DYM: variants seen among roughly 807,000 people sequenced by gnomAD.
The protein encoded by DYM is dyggve-Melchior-Clausen syndrome protein.
A neutral mutation model predicts 93.1 loss-of-function variants in DYM; 78 were observed. The observed-to-expected ratio is 0.84, with a 90% CI of 0.70 to 1.01. The LOEUF is 1.01. Among genes scored for constraint, DYM ranks in the 50% least tolerant of loss-of-function variants. DYM has a pLI of 0.00. For synonymous variants in DYM, 321 were observed against 319.7 expected, an observed-to-expected ratio of 1.00 and a Z score of -0.04; for missense variants, 789 against 845.0, an observed-to-expected ratio of 0.93 and a Z score of 0.82.
chr18:49,279,150 G>C (rs971802378), intron 10 of DYM, among the ~76,000 whole-genome samples: 1 of 152,152 alleles, frequency 6.6e-6, no homozygotes, highest in Non-Finnish European at 1.5e-5. Flanking sequence ...ACTATAAGAA[G>C]TTATACCAGA....
At chr18:49,140,024 C>T (rs1486628165) in intron 15 of DYM, among the ~76,000 whole-genome samples, 1 of 152,098 alleles carries the variant, frequency 6.6e-6, no homozygotes, top group Non-Finnish European at 1.5e-5. Flanking sequence ...TACTTACGCC[C>T]ACAGGCTTTT....
intron 1 of DYM, chr18:49,447,454 C>T (rs952028377): frequency 6.6e-6 from 1 of 152,202 alleles, no homozygotes; most frequent in African/African-American, 2.4e-5. Context: ...CAGCTTTGTC[C>T]GGGATACCAA....
chr18:49,079,238 C>A (rs2077571296), intron 17 of DYM, among the ~76,000 whole-genome samples: 1 of 152,106 alleles, frequency 6.6e-6, no homozygotes, highest in Admixed American at 6.6e-5. Context: ...ATAGTAGTTA[C>A]TTCAAAATCT....
chr18:49,288,903 T>TA (rs1349940925), intron 8 of DYM, among the ~76,000 whole-genome samples: 1 of 152,186 alleles, frequency 6.6e-6, no homozygotes, highest in Non-Finnish European at 1.5e-5. Flanking sequence ...TAATACAGTG[T>TA]AAATAAAACA....
At chr18:49,405,634 T>C (rs1159048120) in intron 2 of DYM, among the ~76,000 whole-genome samples, 1 of 152,220 alleles carries the variant, frequency 6.6e-6, no homozygotes, top group African/African-American at 2.4e-5. Context: ...TACTGTAGCC[T>C]TATAGTATAC....
intron 8 of DYM, among the ~76,000 whole-genome samples, chr18:49,298,568 C>T (rs570642579): frequency 8.4e-5 from 11 of 130,198 alleles, no homozygotes; most frequent in South Asian, 2.5e-4. Context: ...GTGACAAGAG[C>T]GAAACTCCGT....
chr18:49,244,598 T>C (rs1258121639), intron 13 of DYM, among the ~76,000 whole-genome samples: 1 of 152,130 alleles, frequency 6.6e-6, no homozygotes, highest in Non-Finnish European at 1.5e-5. Context: ...CTCTGACATT[T>C]AGTTTCTTCA....
At chr18:49,416,862 T>G (rs148486591) in intron 2 of DYM, among the ~76,000 whole-genome samples, 55 of 152,268 alleles carry the variant, frequency 3.6e-4, no homozygotes, top group African/African-American at 1.3e-3. Flanking sequence ...GTGCCAAAAA[T>G]AGGTAACAGG....
intron 14 of DYM, among the ~76,000 whole-genome samples, chr18:49,181,052 C>G (rs940663050): frequency 3.3e-5 from 5 of 152,126 alleles, no homozygotes; most frequent in Non-Finnish European, 7.4e-5. Flanking sequence ...TAGCCTGAGT[C>G]CAGGCTGCAG....
intron 3 of DYM, among the ~76,000 whole-genome samples, chr18:49,382,414 A>C (rs1377157341): frequency 6.6e-6 from 1 of 152,238 alleles, no homozygotes; most frequent in Non-Finnish European, 1.5e-5. Context: ...ATAAAATTAA[A>C]TACACTCAAT....
intron 13 of DYM, among the ~76,000 whole-genome samples, chr18:49,211,963 A>T (rs2092806594): frequency 6.6e-6 from 1 of 152,236 alleles, no homozygotes; most frequent in Admixed American, 6.5e-5. Flanking sequence ...AATGTGTATC[A>T]CCAGCACTTT....
At chr18:49,263,741 A>G (rs2094526946) in intron 11 of DYM, among the ~76,000 whole-genome samples, 1 of 152,168 alleles carries the variant, frequency 6.6e-6, no homozygotes. Context: ...AAAAGAAAAA[A>G]AAAGTAGTTA....
At chr18:49,333,319 G>C (rs893220257) in intron 7 of DYM, among the ~76,000 whole-genome samples, 4 of 152,222 alleles carry the variant, frequency 2.6e-5, no homozygotes, top group African/African-American at 9.6e-5. Context: ...CAGCGAAGAG[G>C]CTGCTGGAGA....
At chr18:49,419,676 C>T (rs896235322) in intron 2 of DYM, among the ~76,000 whole-genome samples, 1 of 152,112 alleles carries the variant, frequency 6.6e-6, no homozygotes, top group Non-Finnish European at 1.5e-5. Context: ...CAAAACAAGG[C>T]TTTCAGAATT....
intron 3 of DYM, chr18:49,391,370 A>G (rs538937833): frequency 3.8e-6 from 2 of 528,800 alleles, no homozygotes; most frequent in South Asian, 4.1e-5. Context: ...TCTATGGCTT[A>G]GCAGAGTCCA....
intron 8 of DYM, chr18:49,321,506 G>C (rs2062477972): frequency 7.6e-6 from 3 of 394,064 alleles, no homozygotes; most frequent in Non-Finnish European, 1.3e-5. Flanking sequence ...TTTGACATTA[G>C]ATTATTTCCA....
Position 49,199,349 on chromosome 18 carries a change from C to G in DYM, c.1625+10202G>C, listed in dbSNP as rs1435441697. ...ATATGTAACAAACCTGCACGTTGTG[C>G]CCATGTACCCTAAAACTTAAAGTAT... On this transcript the variant is annotated intron_variant, in intron 14 of 17. Transcript: ENST00000675505. Among the ~76,000 whole-genome samples, 4 of 152,204 alleles carry G rather than the reference C, an allele frequency of 2.6e-5. No individual in the cohort carries two copies. The East Asian group carries it at 5.8e-4, about 22-fold the overall frequency.
At chr18:49,323,095 GAA>G (rs1347521615) in intron 8 of DYM, among the ~76,000 whole-genome samples, 5 of 152,258 alleles carry the variant, frequency 3.3e-5, no homozygotes, top group Middle Eastern at 3.4e-3. Context: ...CTCAAAATTA[GAA>G]AAGAGAATAA....
At position 49,246,735 on chromosome 18, in the gene DYM, G is replaced by A. The variant is rs1028339405; in HGVS notation, c.1460+10275C>T. ...GGTGGAGTTAATGACACTGACATCT[G>A]AGTTGGAGGTTCATTATGACACATG... On this transcript the variant is annotated intron_variant, in intron 13 of 17. Coordinates refer to ENST00000675505, the MANE Select transcript of DYM (RefSeq NM_001353214.3). Among the ~76,000 whole-genome samples, 3 of 152,328 alleles carry A rather than the reference G, an allele frequency of 2.0e-5. No homozygotes were observed. The East Asian group carries it at 5.8e-4, about 29-fold the overall frequency.
Sources: gnomAD v4.1 joint callset for allele counts (sites outside exome capture counted in the v4.1 genomes callset) on GRCh38, gnomAD v4.1.1 for gene constraint, MANE v1.5 for transcripts, NCBI Gene and HGNC (gene_info 2026-07-23, HGNC 2026-07-21) for gene names.